XYLT1: variants seen among roughly 807,000 people sequenced by gnomAD.
XYLT1 encodes beta-D-xylosyltransferase 1.
A neutral mutation model predicts 91.3 loss-of-function variants in XYLT1; 36 were observed. The observed-to-expected ratio is 0.39, with a 90% CI of 0.30 to 0.52. The LOEUF is 0.52. Among genes scored for constraint, XYLT1 ranks in the 20% least tolerant of loss-of-function variants. XYLT1 has a pLI of 0.68. For missense variants in XYLT1, 1,242 were observed against 1,284.5 expected (o/e 0.97, Z 0.51); for synonymous variants, 588 against 532.0 (o/e 1.11, Z -1.45).
chr16:17,198,037 A>G, intron 5 of XYLT1, 175 bp downstream of exon 5: 1 of 684,180 alleles, frequency 1.5e-6, no homozygotes, highest in South Asian at 1.9e-5. Flanking sequence ...CTATCTGTTG[A>G]ATGCATGAAT....
intron 1 of XYLT1, among the ~76,000 whole-genome samples, chr16:17,358,802 G>A (rs930934530): frequency 1.3e-5 from 2 of 152,172 alleles, no homozygotes; most frequent in African/African-American, 4.8e-5. Flanking sequence ...TCATCAATTT[G>A]TGTCTGATCT....
Position 17,138,481 on chromosome 16 carries a change from C to T in XYLT1, c.1638G>A (p.Val546=), listed in dbSNP as rs2030849015. The T allele has an allele frequency of 6.2e-7, 1 of 1,614,024 alleles. No homozygotes were observed. Among genetic ancestry groups the T allele is most frequent in the Non-Finnish European group, 8.5e-7 (1 of 1,180,036 alleles). Residue 546 remains valine, a synonymous_variant, in exon 8 of 12, where the codon GTG becomes GTA. Coordinates refer to ENST00000261381, the MANE Select transcript of XYLT1 (RefSeq NM_022166.4). ...LENSPHCDTM[V]DNNLRITNWN... ...AGTTGGTGATGCGCAGGTTGTTGTC[C>T]ACCATGGTGTCGCAGTGGGGGCTGT...
At chr16:17,413,441 ATT>A (rs34570613) in intron 1 of XYLT1, among the ~76,000 whole-genome samples, 12 of 142,624 alleles carry the variant, frequency 8.4e-5, no homozygotes, top group Non-Finnish European at 7.6e-5. Context: ...TTTTGTCATC[ATT>A]TTTTTTTTTT....
chr16:17,179,632 T>A (rs1189424198), intron 5 of XYLT1, among the ~76,000 whole-genome samples: 1 of 152,156 alleles, frequency 6.6e-6, no homozygotes, highest in African/African-American at 2.4e-5. Context: ...ACTGCCATAT[T>A]CCCAACCCCC....
At chr16:17,119,246 A>G (rs1275997716) in intron 10 of XYLT1, among the ~76,000 whole-genome samples, 1 of 152,200 alleles carries the variant, frequency 6.6e-6, no homozygotes, top group African/African-American at 2.4e-5. Context: ...CAAAAACTGA[A>G]TGAACTAGGG....
At chr16:17,357,189 A>AC (rs2035311163) in intron 2 of XYLT1, among the ~76,000 whole-genome samples, 2 of 148,430 alleles carry the variant, frequency 1.3e-5, no homozygotes, top group Admixed American at 1.3e-4. Flanking sequence ...AAAAAAAAAA[A>AC]AAAAAAAAAA....
intron 2 of XYLT1, among the ~76,000 whole-genome samples, chr16:17,305,210 G>C (rs1485351438): frequency 2.0e-5 from 3 of 152,078 alleles, no homozygotes. Flanking sequence ...GGACAGGATG[G>C]GAGTCATTCT....
chr16:17,417,365 G>C (rs2036191865), intron 1 of XYLT1, among the ~76,000 whole-genome samples: 1 of 152,078 alleles, frequency 6.6e-6, no homozygotes, highest in Non-Finnish European at 1.5e-5. Flanking sequence ...CATTCTCTCA[G>C]CTCTAGTCTA....
chr16:17,155,243 G>A (rs749124348), intron 6 of XYLT1, among the ~76,000 whole-genome samples: 10 of 152,078 alleles, frequency 6.6e-5, no homozygotes, highest in Non-Finnish European at 1.3e-4. Flanking sequence ...TCATCTTTTT[G>A]AGTCTCAGTT....
At chr16:17,462,447 C>T (rs749639516) in intron 1 of XYLT1, among the ~76,000 whole-genome samples, 2 of 152,172 alleles carry the variant, frequency 1.3e-5, no homozygotes, top group Admixed American at 6.5e-5. Context: ...GGCTTCCAAT[C>T]GGGAAGGGGG....
intron 2 of XYLT1, among the ~76,000 whole-genome samples, chr16:17,336,340 T>C (rs1254425436): frequency 6.6e-6 from 1 of 152,202 alleles, no homozygotes; most frequent in Non-Finnish European, 1.5e-5. Context: ...AATACTGTCA[T>C]CTGATTCTGT....
At chr16:17,280,559 T>C (rs1009921114) in intron 2 of XYLT1, among the ~76,000 whole-genome samples, 2 of 152,186 alleles carry the variant, frequency 1.3e-5, no homozygotes, top group East Asian at 1.9e-4. Context: ...TGTACCAATT[T>C]TGTTATGTTT....
At chr16:17,220,654 G>C (rs766753937) in intron 3 of XYLT1, among the ~76,000 whole-genome samples, 1 of 152,094 alleles carries the variant, frequency 6.6e-6, no homozygotes, top group Admixed American at 6.5e-5. Context: ...TATATCTTTA[G>C]TAGAGATGGG....
At position 17,220,261 on chromosome 16, in the gene XYLT1, T is replaced by C. The variant is rs74010745; in HGVS notation, c.914-19607A>G. On this transcript the variant is annotated intron_variant, in intron 3 of 11. Coordinates refer to ENST00000261381, the MANE Select transcript of XYLT1 (RefSeq NM_022166.4). ...TACTTAAATGAGAAAGGCAGAGAAA[T>C]GACATTTGGTTAAACAATGCATCAG... 1.8e-3 allele frequency among the ~76,000 whole-genome samples: 278 copies of C among 152,126 alleles called. 1 individual carries two copies. Among genetic ancestry groups the C allele is most frequent in the African/African-American group, 6.0e-3 (251 of 41,504 alleles).
At chr16:17,138,846 C>T in intron 7 of XYLT1, 1 of 239,636 alleles carries the variant, frequency 4.2e-6, no homozygotes, top group Non-Finnish European at 8.4e-6. Context: ...CCATGTGGTC[C>T]AACTCAGAGC....
At chr16:17,296,262 C>A (rs1450066578) in intron 2 of XYLT1, among the ~76,000 whole-genome samples, 1 of 115,422 alleles carries the variant, frequency 8.7e-6, no homozygotes, top group Non-Finnish European at 1.6e-5. Context: ...CCATGTTTAG[C>A]AAGGCCTGGG....
At position 17,416,176 on chromosome 16, in the gene XYLT1, C is replaced by T. The variant is rs572683252; in HGVS notation, c.363+54258G>A. Among the ~76,000 whole-genome samples, 30 of 152,334 alleles carry T rather than the reference C, an allele frequency of 2.0e-4. No individual in the cohort carries two copies. In the South Asian group the frequency reaches 5.6e-3, roughly 28 times the overall value. ...GGTCTGTACCCACTAAATGCCTATA[C>T]AGCTCCCGCCCTGTCCTGCCAACCA... On this transcript the variant is annotated intron_variant, in intron 1 of 11. Transcript: ENST00000261381.
At chr16:17,306,241 A>G (rs2034468381) in intron 2 of XYLT1, among the ~76,000 whole-genome samples, 1 of 152,192 alleles carries the variant, frequency 6.6e-6, no homozygotes, top group African/African-American at 2.4e-5. Flanking sequence ...GAAAAAGAAC[A>G]AGAGAATAGG....
chr16:17,172,562 C>T (rs2031850188), intron 5 of XYLT1, among the ~76,000 whole-genome samples: 3 of 145,242 alleles, frequency 2.1e-5, no homozygotes, highest in Non-Finnish European at 4.5e-5. Flanking sequence ...ACCTCTGCTT[C>T]CCAGGTTCAA....
Sources: gnomAD v4.1 joint callset for allele counts (sites outside exome capture counted in the v4.1 genomes callset) on GRCh38, gnomAD v4.1.1 for gene constraint, MANE v1.5 for transcripts, NCBI Gene and HGNC (gene_info 2026-07-23, HGNC 2026-07-21) for gene names.